GATAD2B: variants seen among roughly 807,000 people sequenced by gnomAD.
GATAD2B encodes transcriptional repressor p66-beta.
A neutral mutation model predicts 64.3 loss-of-function variants in GATAD2B; 8 were observed. That is an observed-to-expected ratio of 0.12 (90% CI 0.07 to 0.22). The LOEUF is 0.22. GATAD2B is among the 10% of genes least tolerant of loss of function. The pLI, the probability that GATAD2B is intolerant of heterozygous loss-of-function variation, is 1.00. For synonymous variants in GATAD2B, 281 were observed against 271.3 expected, an observed-to-expected ratio of 1.04 and a Z score of -0.35; for missense variants, 453 against 752.0, an observed-to-expected ratio of 0.60 and a Z score of 4.65.
At chr1:153,865,387 G>C (rs1676440754) in intron 1 of GATAD2B, among the ~76,000 whole-genome samples, 1 of 152,030 alleles carries the variant, frequency 6.6e-6, no homozygotes. Flanking sequence ...CTTGAACATG[G>C]GAGGCGGAGG....
At chr1:153,852,307 T>C (rs1002195205) in intron 1 of GATAD2B, 6 of 1,036,910 alleles carry the variant, frequency 5.8e-6, no homozygotes, top group Non-Finnish European at 7.6e-6. Context: ...GTGGAGGCTG[T>C]CAGACACTTC....
Position 153,836,556 on chromosome 1 carries a change from A to T in GATAD2B, c.-1-8208T>A, listed in dbSNP as rs912110398. On this transcript the variant is annotated intron_variant, in intron 1 of 10. Transcript: ENST00000368655. ...GTGAGCCACTGCACCCAGCCTAAAA[A>T]AGTTAAAAAAAAAAGGCATGGTGAC... Among the ~76,000 whole-genome samples the T allele has an allele frequency of 2.3e-4, 30 of 129,876 alleles. 1 individual carries two copies. Among genetic ancestry groups the T allele is most frequent in the Admixed American group, 6.0e-4 (7 of 11,574 alleles). 85.2% of individuals were successfully genotyped at this position (129,876 alleles called of 152,430 possible).
chr1:153,823,726 G>T (rs533359379), intron 2 of GATAD2B, among the ~76,000 whole-genome samples: 1,615 of 145,410 alleles, frequency 0.011, 30 homozygotes, highest in African/African-American at 0.039. Context: ...TTTTTTTTTT[G>T]TTTTTTTGTT....
intron 1 of GATAD2B, among the ~76,000 whole-genome samples, chr1:153,868,607 C>A (rs1676555585): frequency 3.9e-5 from 6 of 152,086 alleles, no homozygotes; most frequent in South Asian, 2.1e-4. Context: ...ATATTCTTCA[C>A]CCTGCTCCCC....
chr1:153,869,935 G>C (rs372364993), intron 1 of GATAD2B, among the ~76,000 whole-genome samples: 3 of 151,408 alleles, frequency 2.0e-5, no homozygotes, highest in African/African-American at 7.3e-5. Context: ...AGACCAGCTG[G>C]AACAACATGG....
chr1:153,901,601 G>C (rs934678278), intron 1 of GATAD2B, among the ~76,000 whole-genome samples: 1 of 151,892 alleles, frequency 6.6e-6, no homozygotes, highest in Non-Finnish European at 1.5e-5. Context: ...GAGGCAGGTG[G>C]ATCATCTGAG....
Position 153,804,854 on chromosome 1 carries a change from G to A in GATAD2B, c.*5323C>T, listed in dbSNP as rs1156717202. The A allele has an allele frequency of 6.6e-6, 1 of 152,652 alleles. No individual in the cohort carries two copies. Among genetic ancestry groups the A allele is most frequent in the Middle Eastern group, 3.4e-3 (1 of 294 alleles). 9.5% of individuals were successfully genotyped at this position (152,652 alleles called of 1,614,324 possible). A position where few individuals can be genotyped will look rare whatever the true frequency, so the allele number is the denominator to read the frequency against. On this transcript the variant is annotated 3_prime_UTR_variant, in exon 11 of 11. Transcript: ENST00000368655. ...GAATCTGTCACTGCTGAAATGCTCA[G>A]CAGCATCTGAAACAGATGGGAGTGT...
At chr1:153,869,291 CAA>C (rs58795446) in intron 1 of GATAD2B, among the ~76,000 whole-genome samples, 2 of 144,028 alleles carry the variant, frequency 1.4e-5, no homozygotes, top group East Asian at 2.1e-4. Flanking sequence ...GACTATATCT[CAA>C]AAAAAAAAAA....
At chr1:153,871,098 G>A (rs1021282090) in intron 1 of GATAD2B, among the ~76,000 whole-genome samples, 5 of 151,732 alleles carry the variant, frequency 3.3e-5, no homozygotes, top group Admixed American at 2.0e-4. Context: ...AGACAGTCTC[G>A]CTCTGTTGCC....
intron 1 of GATAD2B, among the ~76,000 whole-genome samples, chr1:153,864,021 C>CT (rs1676396960): frequency 6.6e-6 from 1 of 152,058 alleles, no homozygotes; most frequent in Non-Finnish European, 1.5e-5. Context: ...TCTTTTTATC[C>CT]TTTATACCAT....
chr1:153,839,277 GACA>G (rs930209778), intron 1 of GATAD2B, among the ~76,000 whole-genome samples: 11 of 152,148 alleles, frequency 7.2e-5, no homozygotes, highest in African/African-American at 2.7e-4. Context: ...TAAAGTTTCT[GACA>G]ACATTAAACC....
chr1:153,818,143 A>G lies in GATAD2B; in HGVS notation c.626T>C (p.Ile209Thr). The change falls in exon 5 of 11, where the codon ATT becomes ACT. Residue 209 changes from isoleucine to threonine, a missense_variant. Coordinates refer to ENST00000368655, the MANE Select transcript of GATAD2B (RefSeq NM_020699.4). The stretch of plus-strand genomic sequence containing the variant: ...CACATGGGCAGGAGATGGCTGAACA[A>G]TAGATGCTGCATTCTGTACAACTGG... ...KTPVVQNAAS[I>T]VQPSPAHVGQ... 1 of 1,612,676 alleles carries G rather than the reference A, an allele frequency of 6.2e-7. No homozygotes were observed. Among genetic ancestry groups the G allele is most frequent in the Non-Finnish European group, 8.5e-7 (1 of 1,179,294 alleles).
At chr1:153,903,225 A>G (rs1677831668) in intron 1 of GATAD2B, among the ~76,000 whole-genome samples, 1 of 152,134 alleles carries the variant, frequency 6.6e-6, no homozygotes, top group Admixed American at 6.6e-5. Flanking sequence ...CTCAAAAAAA[A>G]AAAAAAGTGG....
chr1:153,835,543 C>G (rs1305597984), intron 1 of GATAD2B, among the ~76,000 whole-genome samples: 1 of 151,906 alleles, frequency 6.6e-6, no homozygotes. Flanking sequence ...AGCAGTCATC[C>G]ACATGGAGGC....
chr1:153,814,706 T>C (rs1469174260), intron 7 of GATAD2B, among the ~76,000 whole-genome samples: 2 of 152,102 alleles, frequency 1.3e-5, no homozygotes, highest in Non-Finnish European at 2.9e-5. Flanking sequence ...CCGGGCACAG[T>C]GGCTCATGCC....
At chr1:153,907,104 C>T (rs902924679) in intron 1 of GATAD2B, among the ~76,000 whole-genome samples, 31 of 152,112 alleles carry the variant, frequency 2.0e-4, no homozygotes, top group South Asian at 2.1e-4. Flanking sequence ...ACTCAAAAAC[C>T]GAATTATCAT....
At chr1:153,810,436 C>T in intron 10 of GATAD2B, 126 bp from the exon 11 acceptor site, 1 of 854,290 alleles carries the variant, frequency 1.2e-6, no homozygotes, top group Admixed American at 2.8e-5. Flanking sequence ...TCTGGTCACA[C>T]TTGGTTAGCT....
At chr1:153,875,146 G>A (rs111795967) in intron 1 of GATAD2B, among the ~76,000 whole-genome samples, 3,058 of 152,172 alleles carry the variant, frequency 0.02, 45 homozygotes, top group Non-Finnish European at 0.031. Context: ...CCAAAGTGCT[G>A]GAATTACAGG....
At chr1:153,900,170 C>A (rs1004997751) in intron 1 of GATAD2B, among the ~76,000 whole-genome samples, 1 of 152,000 alleles carries the variant, frequency 6.6e-6, no homozygotes, top group Non-Finnish European at 1.5e-5. Flanking sequence ...GTAATCCCAG[C>A]ACTTTGGGAG....
Sources: allele counts gnomAD v4.1 joint callset (sites outside exome capture counted in the v4.1 genomes callset), GRCh38; gene constraint gnomAD v4.1.1; transcripts MANE v1.5; gene names NCBI Gene and HGNC (gene_info 2026-07-23, HGNC 2026-07-21).